Variants in TBC1D9 observed in about 807,000 individuals in gnomAD.
The protein encoded by TBC1D9 is TBC1 domain family member 9A.
A neutral mutation model predicts 132.0 loss-of-function variants in TBC1D9; 63 were observed. The ratio of observed to expected loss-of-function variants is 0.48; its 90% CI spans 0.39 to 0.59. The LOEUF (loss-of-function observed/expected upper bound fraction) is 0.59. TBC1D9 is among the 20% of genes least tolerant of loss of function. The pLI, the probability that TBC1D9 is intolerant of heterozygous loss-of-function variation, is 0.00. For synonymous variants in TBC1D9, 610 were observed against 609.9 expected (o/e 1.00, Z 0.00); for missense variants, 1,261 against 1,592.7 (o/e 0.79, Z 3.54).
chr4:140,754,598 A>C (rs1485109096), intron 1 of TBC1D9, among the ~76,000 whole-genome samples: 1 of 140,798 alleles, frequency 7.1e-6, no homozygotes, highest in Non-Finnish European at 1.5e-5. Flanking sequence ...CTGGGCGACA[A>C]AGCAGGACTC....
intron 20 of TBC1D9, among the ~76,000 whole-genome samples, chr4:140,623,648 G>A (rs1296210422): frequency 6.6e-6 from 1 of 152,104 alleles, no homozygotes; most frequent in African/African-American, 2.4e-5. Flanking sequence ...CTGGACAGAA[G>A]TAATGCTTTA....
At chr4:140,672,684 G>A (rs1056187833) in intron 6 of TBC1D9, among the ~76,000 whole-genome samples, 10 of 152,286 alleles carry the variant, frequency 6.6e-5, no homozygotes, top group African/African-American at 2.4e-4. Flanking sequence ...GTTTCTCACT[G>A]ATAAATGAGT....
rs998867747 is a variant in TBC1D9, at chr4:140,679,136, A to G, written c.657T>C (p.Asp219=). ...TGGACCGTGTGCTCACTTTGATCAC[A>G]TCAGGCAGAAGCAGGGTGGCATTCT... ...LEKNATLLLP[D]VIKVSTRSSE... Residue 219 remains aspartate (D), a synonymous_variant, in exon 5 of 21, where the codon GAT becomes GAC. Transcript: ENST00000442267. 1.4e-5 allele frequency: 22 copies of G among 1,613,808 alleles called. No individual in the cohort carries two copies. The highest frequency in any genetic ancestry group is 1.4e-5 in the Non-Finnish European group (17 of 1,179,846).
At chr4:140,741,532 T>C (rs1738758125) in intron 1 of TBC1D9, among the ~76,000 whole-genome samples, 1 of 152,054 alleles carries the variant, frequency 6.6e-6, no homozygotes. Context: ...GACTGGGCAA[T>C]GTGGTGAAAC....
chr4:140,711,245 A>G (rs748049860), intron 1 of TBC1D9, among the ~76,000 whole-genome samples: 9 of 152,332 alleles, frequency 5.9e-5, no homozygotes, highest in South Asian at 4.2e-4. Context: ...ACAGGAAGTT[A>G]TATTGATTCT....
chr4:140,749,654 C>T (rs1031232007), intron 1 of TBC1D9, among the ~76,000 whole-genome samples: 15 of 152,066 alleles, frequency 9.9e-5, no homozygotes, highest in African/African-American at 3.6e-4. Flanking sequence ...GAGACCCCGT[C>T]TCTATTTATA....
chr4:140,627,450 A>C lies in TBC1D9; in HGVS notation c.2890T>G (p.Cys964Gly). ...GAGAAAAGTCACTTACCATGTGTAC[A>C]TTCTGGGGTAATATCTTCAAAGAAG... The part of the protein sequence containing the change: ...QYFFEDITPE[C>G]THVVGLDSRS... Residue 964 changes from cysteine (C) to glycine (G), a missense_variant, in exon 18 of 21, where the codon TGT becomes GGT. Cys to Gly is a radical substitution (Grantham distance 159). Transcript: ENST00000442267. 1 of 1,602,520 alleles carries C rather than the reference A, an allele frequency of 6.2e-7. No homozygotes were observed. The highest frequency in any genetic ancestry group is 8.5e-7 in the Non-Finnish European group (1 of 1,171,022).
At position 140,627,451 on chromosome 4, in the gene TBC1D9, T is replaced by C; in HGVS notation, c.2889A>G (p.Glu963=). The C allele has an allele frequency of 9.4e-6, 15 of 1,603,188 alleles. No homozygotes were observed. The highest frequency in any genetic ancestry group is 1.3e-5 in the Non-Finnish European group (15 of 1,171,628). ...AGAAAAGTCACTTACCATGTGTACATTCTGGGGTAATATCTTCAAAGAAGT... is the reference window on the plus strand; with the variant it reads ...AGAAAAGTCACTTACCATGTGTACACTCTGGGGTAATATCTTCAAAGAAGT... ...TQYFFEDITP[E]CTHVVGLDSR... is the part of the protein sequence containing the mutation. The change falls in exon 18 of 21, where the codon GAA becomes GAG. Residue 963 remains glutamate, a synonymous_variant. Coordinates refer to ENST00000442267, the MANE Select transcript of TBC1D9 (RefSeq NM_015130.3).
At position 140,632,798 on chromosome 4, in the gene TBC1D9, C is replaced by T. The variant is rs142922411; in HGVS notation, c.2746+1150G>A. Among the ~76,000 whole-genome samples, 152 of 152,236 alleles carry T rather than the reference C, an allele frequency of 1.0e-3. 1 individual carries two copies. The highest frequency in any genetic ancestry group is 3.5e-3 in the African/African-American group (147 of 41,546). ...ACAAATTAAATGCATGTGAATTGTG[C>T]ACATAAAAAGCATTAGGGCAATGCC... On this transcript the variant is annotated intron_variant, in intron 16 of 20. Coordinates refer to ENST00000442267, the MANE Select transcript of TBC1D9 (RefSeq NM_015130.3).
In TBC1D9 at chr4:140,669,026, A is replaced by G. The variant is rs1737493528; in HGVS notation, c.1479T>C (p.Phe493=). The change falls in exon 9 of 21, where the codon TTT becomes TTC. Residue 493 remains phenylalanine, a synonymous_variant. Transcript: ENST00000442267. ...FLKEQAWKIH[F]AEYGQGICMY... is the part of the protein sequence containing the mutation. The stretch of plus-strand genomic sequence containing the variant: ...TGCAGATCCCTTGCCCATACTCAGC[A>G]AAGTGAATCTTCCAGGCTTGCTCTT... 1.2e-6 allele frequency: 2 copies of G among 1,613,920 alleles called. No individual in the cohort carries two copies. The highest frequency in any genetic ancestry group is 2.7e-5 in the African/African-American group (2 of 74,946).
Position 140,657,183 on chromosome 4 carries a change from T to C in TBC1D9, c.2251A>G (p.Ile751Val), listed in dbSNP as rs776400896. Reference sequence around the variant, plus strand: ...CTGAGCAAGGAGTGGAGGTGAGGAATGGGAGGCAGTGTGCTGTCTTTATTG... The same window carrying C: ...CTGAGCAAGGAGTGGAGGTGAGGAACGGGAGGCAGTGTGCTGTCTTTATTG... Reference protein sequence around the residue: ...VTNKDSTLPPIPHLHSLLSDD... With the variant: ...VTNKDSTLPPVPHLHSLLSDD... The change falls in exon 13 of 21, where the codon ATT becomes GTT. Residue 751 changes from isoleucine (I) to valine (V), a missense_variant. This residue lies in a region of TBC1D9 where 618 missense variants were observed against 724.4 expected (regional missense o/e 0.85). Coordinates refer to ENST00000442267, the MANE Select transcript of TBC1D9 (RefSeq NM_015130.3). 8 of 1,613,788 alleles carry C rather than the reference T, an allele frequency of 5.0e-6. No individual in the cohort carries two copies. The highest frequency in any genetic ancestry group is 3.3e-5 in the Admixed American group (2 of 59,980).
intron 1 of TBC1D9, among the ~76,000 whole-genome samples, chr4:140,712,434 T>G (rs1463082812): frequency 7.4e-5 from 3 of 40,688 alleles, no homozygotes; most frequent in East Asian, 1.3e-3. Context: ...CTGAATATGC[T>G]CTTTAAAAAA....
chr4:140,643,559 G>A (rs962361195), intron 13 of TBC1D9: 5 of 881,564 alleles, frequency 5.7e-6, no homozygotes, highest in Non-Finnish European at 3.5e-6. Flanking sequence ...ACATTTCTAG[G>A]CTGGGCTGGG....
intron 14 of TBC1D9, 30 bp from the exon 15 acceptor site, chr4:140,639,184 A>C (rs766338901): frequency 1.2e-5 from 19 of 1,537,682 alleles, no homozygotes; most frequent in Middle Eastern, 1.7e-4. Flanking sequence ...AATGAATTTC[A>C]CAAACTCAAA....
At chr4:140,641,860 C>G (rs995295940) in intron 13 of TBC1D9, 2 of 345,946 alleles carry the variant, frequency 5.8e-6, no homozygotes, top group Non-Finnish European at 1.1e-5. Flanking sequence ...CCTCACCCCC[C>G]ATCTCTCCCG....
chr4:140,742,620 CAGA>C (rs1431533665), intron 1 of TBC1D9, among the ~76,000 whole-genome samples: 2 of 150,610 alleles, frequency 1.3e-5, no homozygotes, highest in East Asian at 3.9e-4. Context: ...CAAAGAAAAG[CAGA>C]AGGTGGGTTA....
chr4:140,709,888 G>A (rs187635983), intron 1 of TBC1D9, among the ~76,000 whole-genome samples: 6 of 152,320 alleles, frequency 3.9e-5, no homozygotes, highest in Admixed American at 3.9e-4. Flanking sequence ...TTGAAACGAG[G>A]TGGAGCTCAA....
At chr4:140,628,203 T>C (rs775769461) in intron 17 of TBC1D9, 97 bp downstream of exon 17, 8 of 957,196 alleles carry the variant, frequency 8.4e-6, no homozygotes, top group Non-Finnish European at 1.3e-5. Flanking sequence ...AATGATGGTG[T>C]ATATCAAAAA....
At chr4:140,658,691 A>C (rs1272988609) in intron 11 of TBC1D9, among the ~76,000 whole-genome samples, 1 of 152,048 alleles carries the variant, frequency 6.6e-6, no homozygotes, top group African/African-American at 2.4e-5. Flanking sequence ...GAGTCTGTAT[A>C]GTCCCAGCTA....
Sources: gnomAD v4.1 joint callset for allele counts (sites outside exome capture counted in the v4.1 genomes callset) on GRCh38, gnomAD v4.1.1 for gene constraint, gnomAD v4.1.1 regional missense constraint, MANE v1.5 for transcripts, NCBI Gene and HGNC (gene_info 2026-07-23, HGNC 2026-07-21) for gene names.